MACIR: variants seen among roughly 807,000 people sequenced by gnomAD.
The protein encoded by MACIR is UNC119-binding protein C5orf30.
Under a neutral mutation model 14.3 loss-of-function variants are expected in MACIR, and 4 were observed. The ratio of observed to expected loss-of-function variants is 0.28; its 90% CI spans 0.14 to 0.64. The LOEUF is 0.64. MACIR is among the 30% of genes least tolerant of loss of function. MACIR has a pLI of 0.83. For synonymous variants in MACIR, 101 were observed against 102.4 expected, an observed-to-expected ratio of 0.99 and a Z score of 0.08; for missense variants, 228 against 257.6, an observed-to-expected ratio of 0.89 and a Z score of 0.79.
intron 2 of MACIR, among the ~76,000 whole-genome samples, chr5:103,272,939 C>G (rs1479301789): frequency 1.3e-5 from 2 of 152,116 alleles, no homozygotes; most frequent in Admixed American, 6.6e-5. Flanking sequence ...AAAGTGCAAA[C>G]AGTTTTCCAG....
chr5:103,262,062 A>T (rs1171290272), intron 1 of MACIR, among the ~76,000 whole-genome samples: 6 of 152,206 alleles, frequency 3.9e-5, no homozygotes, highest in African/African-American at 1.4e-4. Context: ...GGACATAAAC[A>T]TTTCCAAATG....
At chr5:103,271,116 A>T (rs1805107393) in intron 2 of MACIR, among the ~76,000 whole-genome samples, 1 of 152,130 alleles carries the variant, frequency 6.6e-6, no homozygotes, top group Non-Finnish European at 1.5e-5. Flanking sequence ...CATGCTGCTG[A>T]TGTATAAATG....
chr5:103,273,945 C>T (rs1805227425), intron 2 of MACIR, among the ~76,000 whole-genome samples: 1 of 152,088 alleles, frequency 6.6e-6, no homozygotes, highest in Non-Finnish European at 1.5e-5. Flanking sequence ...GTGTCACTGC[C>T]TTGGTGACTC....
chr5:103,269,854 C>A (rs1456389010), intron 2 of MACIR, among the ~76,000 whole-genome samples: 1 of 152,128 alleles, frequency 6.6e-6, no homozygotes, highest in African/African-American at 2.4e-5. Flanking sequence ...GAAATGTACA[C>A]TGTATATATT....
intron 2 of MACIR, among the ~76,000 whole-genome samples, chr5:103,267,776 A>C (rs1453570612): frequency 6.6e-6 from 1 of 152,162 alleles, no homozygotes; most frequent in South Asian, 2.1e-4. Context: ...GGTTTGATGC[A>C]TTTTGACAAA....
intron 2 of MACIR, among the ~76,000 whole-genome samples, chr5:103,267,575 C>T (rs1374720319): frequency 1.3e-5 from 2 of 152,048 alleles, no homozygotes; most frequent in Non-Finnish European, 2.9e-5. Context: ...CAGTGAGTTG[C>T]CTGTCACTGA....
chr5:103,262,889 A>C (rs1804778387), intron 1 of MACIR, among the ~76,000 whole-genome samples: 1 of 152,148 alleles, frequency 6.6e-6, no homozygotes, highest in African/African-American at 2.4e-5. Context: ...ACTGTTTTGG[A>C]GAGGAAATCT....
intron 2 of MACIR, among the ~76,000 whole-genome samples, chr5:103,269,674 G>A (rs1399651006): frequency 6.6e-6 from 1 of 151,986 alleles, no homozygotes; most frequent in Non-Finnish European, 1.5e-5. Context: ...AGGAAGCTTG[G>A]CCTCTTGAAG....
At chr5:103,265,367 T>C (rs1001350377) in intron 1 of MACIR, among the ~76,000 whole-genome samples, 1 of 152,142 alleles carries the variant, frequency 6.6e-6, no homozygotes, top group African/African-American at 2.4e-5. Flanking sequence ...TTGCAGCATG[T>C]AAAGCATTCA....
Position 103,278,427 on chromosome 5 carries a change from C to G in MACIR, c.*1887C>G, listed in dbSNP as rs1805411477. 6.0e-6 allele frequency: 1 copy of G among 167,056 alleles called. No individual in the cohort carries two copies. Among genetic ancestry groups the G allele is most frequent in the South Asian group, 2.1e-4 (1 of 4,830 alleles). The allele number at this position is 167,056 out of a possible 1,614,324, so 10.3% of individuals were successfully genotyped here. On this transcript the variant is annotated 3_prime_UTR_variant, in exon 3 of 3. Coordinates refer to ENST00000319933, the MANE Select transcript of MACIR (RefSeq NM_033211.4). Reference sequence around the variant, plus strand: ...CACTATCAACAGGCTACTTACTGTTCAAGAATTCCACTGAAGCACTTATTT... The same window carrying G: ...CACTATCAACAGGCTACTTACTGTTGAAGAATTCCACTGAAGCACTTATTT...
intron 2 of MACIR, among the ~76,000 whole-genome samples, chr5:103,268,521 T>C (rs1430824884): frequency 1.3e-5 from 2 of 152,180 alleles, no homozygotes; most frequent in Non-Finnish European, 2.9e-5. Context: ...CAGTAATTAC[T>C]GATTAAAAAC....
intron 1 of MACIR, among the ~76,000 whole-genome samples, chr5:103,262,248 T>G (rs1228509046): frequency 6.6e-6 from 1 of 152,156 alleles, no homozygotes; most frequent in Admixed American, 6.5e-5. Flanking sequence ...TAATAAGACT[T>G]AAGAAACATT....
chr5:103,266,503 T>G (rs1253233804), intron 2 of MACIR, among the ~76,000 whole-genome samples: 3 of 151,720 alleles, frequency 2.0e-5, no homozygotes, highest in Non-Finnish European at 4.4e-5. Flanking sequence ...CACCCTGAAT[T>G]TAAACGGTTA....
At chr5:103,273,691 G>A (rs567002468) in intron 2 of MACIR, among the ~76,000 whole-genome samples, 2 of 152,138 alleles carry the variant, frequency 1.3e-5, no homozygotes, top group African/African-American at 4.8e-5. Flanking sequence ...GTAACTTTGT[G>A]CATTATTAAC....
At chr5:103,262,162 G>A (rs1401551299) in intron 1 of MACIR, among the ~76,000 whole-genome samples, 2 of 152,098 alleles carry the variant, frequency 1.3e-5, no homozygotes, top group African/African-American at 4.8e-5. Context: ...TTATTTCCAT[G>A]TCTGCCCTCC....
At chr5:103,265,320 A>G (rs1388188219) in intron 1 of MACIR, among the ~76,000 whole-genome samples, 3 of 152,164 alleles carry the variant, frequency 2.0e-5, no homozygotes, top group Non-Finnish European at 2.9e-5. Flanking sequence ...ACCAAAAATT[A>G]ATTGCATAAT....
At position 103,264,228 on chromosome 5, in the gene MACIR, A is replaced by C. The variant is rs1374480183; in HGVS notation, c.-113-1680A>C. Among the ~76,000 whole-genome samples, 4 of 152,288 alleles carry C rather than the reference A, an allele frequency of 2.6e-5. No individual in the cohort carries two copies. In the East Asian group the frequency reaches 7.7e-4, roughly 29 times the overall value. ...TTGGAGTCAGACCAATTGGGGTTCCAATTCCTGCTGTGACTCTCATGTAGT... is the reference window on the plus strand; with the variant it reads ...TTGGAGTCAGACCAATTGGGGTTCCCATTCCTGCTGTGACTCTCATGTAGT... On this transcript the variant is annotated intron_variant, in intron 1 of 2. Coordinates refer to ENST00000319933, the MANE Select transcript of MACIR (RefSeq NM_033211.4).
At chr5:103,260,868 G>C (rs1580560734) in intron 1 of MACIR, among the ~76,000 whole-genome samples, 1 of 152,192 alleles carries the variant, frequency 6.6e-6, no homozygotes, top group Non-Finnish European at 1.5e-5. Context: ...CTATCAAAAT[G>C]AGTACCTGGT....
chr5:103,264,591 C>T (rs1554236605), intron 1 of MACIR, among the ~76,000 whole-genome samples: 1 of 152,118 alleles, frequency 6.6e-6, no homozygotes, highest in East Asian at 1.9e-4. Context: ...TCAAGGCTTA[C>T]TTTTCAAGAT....
Sources: allele counts gnomAD v4.1 joint callset (sites outside exome capture counted in the v4.1 genomes callset), GRCh38; gene constraint gnomAD v4.1.1; transcripts MANE v1.5; gene names NCBI Gene and HGNC (gene_info 2026-07-23, HGNC 2026-07-21).